The following NFAM1 variants were observed in gnomAD, a reference collection of about 807,000 sequenced individuals.
NFAM1 encodes NFAT activating protein with ITAM motif 1.
Under a neutral mutation model 29.0 loss-of-function variants are expected in NFAM1, and 17 were observed. That is an observed-to-expected ratio of 0.59 (90% CI 0.40 to 0.88). The LOEUF is 0.88. Ranked by LOEUF, NFAM1 falls within the 40% of genes least tolerant of loss-of-function variation. The probability of loss-of-function intolerance (pLI) is 0.00; values close to 1 mark genes in which losing one functional copy is unlikely to be tolerated. For missense variants in NFAM1, 324 were observed against 344.6 expected, an observed-to-expected ratio of 0.94 and a Z score of 0.47; for synonymous variants, 175 against 147.2, an observed-to-expected ratio of 1.19 and a Z score of -1.36.
rs1192207346 is a variant in NFAM1, at chr22:42,407,899, TTC to T, written c.564+1534_564+1535del. ...GAGCCACCATACCTGGCAGACAGAT[TTC>T]TCTTTTTTTTTTTTTTTTTTTTTTG... On this transcript the variant is annotated intron_variant, in intron 3 of 5. Coordinates refer to ENST00000329021, the MANE Select transcript of NFAM1 (RefSeq NM_145912.8). Among the ~76,000 whole-genome samples the T allele has an allele frequency of 2.1e-5, 3 of 145,144 alleles. No individual in the cohort carries two copies. In the South Asian group the frequency reaches 6.6e-4, roughly 32 times the overall value.
chr22:42,386,999 G>T lies in NFAM1; in HGVS notation c.743C>A (p.Pro248His), dbSNP rs1326118614. The change falls in exon 5 of 6, where the codon CCC (proline) becomes CAC (histidine). Residue 248 changes from proline (P) to histidine (H), a missense_variant. Pro to His is a moderately conservative substitution (Grantham distance 77). Transcript: ENST00000329021. ...CCAGCGCCTGTGTACCTGGGAGAGG[G>T]GGCTCTGCTTGGCGGTGGGTGAGCT... Reference protein sequence around the residue: ...DGSSPTAKQSPLSQERPHRFE... With the variant: ...DGSSPTAKQSHLSQERPHRFE... 1 of 1,559,744 alleles carries T rather than the reference G, an allele frequency of 6.4e-7. No individual in the cohort carries two copies. The highest frequency in any genetic ancestry group is 1.2e-5 in the South Asian group (1 of 85,464).
chr22:42,430,554 C>T lies in NFAM1; in HGVS notation c.121+1683G>A, dbSNP rs1386212649. ...CAGCCTGAGTGACAAGAGTGAAACT[C>T]TCAAAAAAAAAAAAAAAAAAAAAAA... On this transcript the variant is annotated intron_variant, in intron 1 of 5. Transcript: ENST00000329021. Among the ~76,000 whole-genome samples the T allele has an allele frequency of 4.6e-4, 33 of 72,278 alleles. 1 individual carries two copies. In the South Asian group the frequency reaches 0.02, roughly 44 times the overall value. The allele number at this position is 72,278 out of a possible 152,430, so 47.4% of individuals were successfully genotyped here. A position where few individuals can be genotyped will look rare whatever the true frequency, so the allele number is the denominator to read the frequency against.
chr22:42,418,334 C>T (rs940277411), intron 1 of NFAM1, among the ~76,000 whole-genome samples: 2 of 152,166 alleles, frequency 1.3e-5, no homozygotes, highest in Non-Finnish European at 2.9e-5. Context: ...CTACTTGCCA[C>T]GGGCCAGGCT....
chr22:42,423,966 T>C (rs1460931692), intron 1 of NFAM1, among the ~76,000 whole-genome samples: 2 of 151,898 alleles, frequency 1.3e-5, no homozygotes, highest in African/African-American at 2.4e-5. Flanking sequence ...GACCTCACCA[T>C]GTTGGCCAGT....
At chr22:42,432,520 G>T, upstream of NFAM1, 1 of 956,744 alleles carries the variant, frequency 1.0e-6, no homozygotes, top group Non-Finnish European at 1.5e-6. Flanking sequence ...CGCCAGATGA[G>T]GAACCTGGCA....
rs1412229996 is a variant in NFAM1, at chr22:42,409,890, G to A, written c.452-343C>T. On this transcript the variant is annotated intron_variant, in intron 2 of 5. Transcript: ENST00000329021. This position sits in a 1 kb window ranked among gnomAD's most constrained non-coding sequence, Gnocchi z 4.9. ...TCCCTGTGTGAGGTGGTGATAATAC[G>A]GGTGGATGTGGCTAGGGCTGAAGGA... 6.6e-6 allele frequency among the ~76,000 whole-genome samples: 1 copy of A among 152,132 alleles called. No homozygotes were observed. The highest frequency in any genetic ancestry group is 3.2e-3 in the Middle Eastern group (1 of 316).
chr22:42,399,699 C>A (rs1013178948), intron 3 of NFAM1, among the ~76,000 whole-genome samples: 2 of 152,092 alleles, frequency 1.3e-5, no homozygotes, highest in African/African-American at 4.8e-5. Context: ...AGTCACGAGG[C>A]GGTACAGGCA....
At chr22:42,435,815 CT>C (rs890914167), upstream of NFAM1, among the ~76,000 whole-genome samples, 898 of 94,228 alleles carry the variant, frequency 9.5e-3, 5 homozygotes, top group South Asian at 0.024. Context: ...TTTTCTTCTT[CT>C]TTTTTTTTTT....
intron 4 of NFAM1, among the ~76,000 whole-genome samples, chr22:42,393,605 A>G (rs1929421531): frequency 6.8e-6 from 1 of 146,552 alleles, no homozygotes; most frequent in African/African-American, 2.5e-5. Context: ...TTTAGTAGAG[A>G]CGGGGTTTCA....
chr22:42,433,193 G>A (rs1019981934), upstream of NFAM1, among the ~76,000 whole-genome samples: 3 of 152,162 alleles, frequency 2.0e-5, no homozygotes, highest in African/African-American at 7.2e-5. Flanking sequence ...CTCACCCTTG[G>A]CACCCACACA....
upstream of NFAM1, among the ~76,000 whole-genome samples, chr22:42,435,023 G>A (rs1930907211): frequency 6.6e-6 from 1 of 152,260 alleles, no homozygotes; most frequent in Non-Finnish European, 1.5e-5. Context: ...AACCTCAGCA[G>A]AGTGAAGCAA....
rs139160948 is a variant in NFAM1 at position 42,399,987 on chromosome 22, C to T, written c.565-2031G>A. 5.9e-5 allele frequency among the ~76,000 whole-genome samples: 9 copies of T among 152,274 alleles called. No individual in the cohort carries two copies. In the East Asian group the frequency reaches 1.5e-3, roughly 26 times the overall value. ...TCAACACCTGACCTGCCTTCTCTCA[C>T]GCGCCCTCCACAAACCGCAGGTGAA... On this transcript the variant is annotated intron_variant, in intron 3 of 5. Coordinates refer to ENST00000329021, the MANE Select transcript of NFAM1 (RefSeq NM_145912.8).
chr22:42,415,206 G>A (rs535389175), intron 1 of NFAM1, among the ~76,000 whole-genome samples: 2 of 151,782 alleles, frequency 1.3e-5, no homozygotes, highest in East Asian at 1.9e-4. Flanking sequence ...GAGGAGGTCC[G>A]CAGTTACAGC....
intron 1 of NFAM1, among the ~76,000 whole-genome samples, chr22:42,413,302 C>A (rs1188577562): frequency 6.6e-6 from 1 of 152,166 alleles, no homozygotes; most frequent in Non-Finnish European, 1.5e-5. Context: ...GGAGGCCAGG[C>A]TCATCTCTTC....
In NFAM1 at chr22:42,383,873, G is replaced by A. The variant is rs731026; in HGVS notation, c.*1288C>T. On this transcript the variant is annotated 3_prime_UTR_variant, in exon 6 of 6. Coordinates refer to ENST00000329021, the MANE Select transcript of NFAM1 (RefSeq NM_145912.8). ...AGGGAGACATGGGGGAGCAGAGGGA[G>A]GAAGCAGAGCCCAACAGCCCGGGGC... 51,238 of 152,546 alleles carry A rather than the reference G, an allele frequency of 0.34. 11,636 individuals are homozygous for A. Among genetic ancestry groups the A allele is most frequent in the African/African-American group, 0.65 (26,885 of 41,310 alleles). The allele number at this position is 152,546 out of a possible 1,614,324, so 9.4% of individuals were successfully genotyped here.
intron 3 of NFAM1, among the ~76,000 whole-genome samples, chr22:42,399,523 T>C (rs540711115): frequency 6.6e-6 from 1 of 151,330 alleles, no homozygotes; most frequent in South Asian, 2.1e-4. Context: ...GAGAGGAGCC[T>C]GCCTGGGAGG....
chr22:42,386,904 T>G (rs1929164307), intron 5 of NFAM1, 85 bp downstream of exon 5: 1 of 722,160 alleles, frequency 1.4e-6, no homozygotes, highest in Admixed American at 2.9e-5. Flanking sequence ...CTCACTTCCA[T>G]GTCCCATTTG....
upstream of NFAM1, among the ~76,000 whole-genome samples, chr22:42,435,079 A>C (rs1930908149): frequency 6.6e-6 from 1 of 152,232 alleles, no homozygotes; most frequent in African/African-American, 2.4e-5. Flanking sequence ...ACACTGCTCC[A>C]GGGGACCTGC....
Position 42,409,740 on chromosome 22 carries a change from C to T in NFAM1, c.452-193G>A, listed in dbSNP as rs7291861. Reference sequence around the variant, plus strand: ...CCTCACTCCTTTTCATGCTCACTGCCTTGCTTCTCTGTAAGGACAGGGGCC... The same window carrying T: ...CCTCACTCCTTTTCATGCTCACTGCTTTGCTTCTCTGTAAGGACAGGGGCC... On this transcript the variant is annotated intron_variant, in intron 2 of 5. Coordinates refer to ENST00000329021, the MANE Select transcript of NFAM1 (RefSeq NM_145912.8). The surrounding 1 kb of genome is among the most constrained non-coding windows in gnomAD (Gnocchi z 4.9). Among the ~76,000 whole-genome samples, 4,406 of 152,300 alleles carry T rather than the reference C, an allele frequency of 0.029. 216 individuals carry two copies. The highest frequency in any genetic ancestry group is 0.1 in the African/African-American group (4,243 of 41,554).
Sources: allele counts gnomAD v4.1 joint callset (sites outside exome capture counted in the v4.1 genomes callset), GRCh38; gene constraint gnomAD v4.1.1; non-coding constraint Gnocchi (gnomAD v3.1); transcripts MANE v1.5; gene names NCBI Gene and HGNC (gene_info 2026-07-23, HGNC 2026-07-21).